Variants in NMRAL1 observed in about 807,000 individuals in gnomAD.
The protein encoded by NMRAL1 is NmrA like redox sensor 1.
In NMRAL1, 32 loss-of-function variants were observed where a neutral mutation model predicts 27.5. The ratio of observed to expected loss-of-function variants is 1.16; its 90% CI spans 0.88 to 1.56. NMRAL1 has a LOEUF of 1.56. NMRAL1 is among the 40% of genes most tolerant of loss of function. NMRAL1 has a pLI of 0.00. For synonymous variants in NMRAL1, 166 were observed against 166.8 expected (o/e 1.00, Z 0.04); for missense variants, 420 against 392.0 (o/e 1.07, Z -0.60).
At chr16:4,472,599 C>G (rs1449180748) in intron 2 of NMRAL1, among the ~76,000 whole-genome samples, 2 of 152,020 alleles carry the variant, frequency 1.3e-5, no homozygotes, top group Non-Finnish European at 1.5e-5. Flanking sequence ...CAAAAATTAG[C>G]CAGGCATGGT....
At chr16:4,468,725 TAAC>T (rs1257200011) in intron 3 of NMRAL1, among the ~76,000 whole-genome samples, 2 of 151,686 alleles carry the variant, frequency 1.3e-5, no homozygotes, top group African/African-American at 4.8e-5. Context: ...TCAAGGCTAA[TAAC>T]AAGTTTGGAT....
intron 1 of NMRAL1, 180 bp downstream of exon 1, chr16:4,474,374 C>G: frequency 2.0e-6 from 1 of 493,890 alleles, no homozygotes; most frequent in Non-Finnish European, 3.6e-6. Context: ...CCGCCTCCCC[C>G]GGTTCCAGTC....
intron 2 of NMRAL1, among the ~76,000 whole-genome samples, chr16:4,473,301 T>A (rs1229143300): frequency 6.6e-6 from 1 of 152,150 alleles, no homozygotes; most frequent in Non-Finnish European, 1.5e-5. Context: ...GGAAATTTTC[T>A]AAAATTGATT....
At position 4,469,279 on chromosome 16, in the gene NMRAL1, A is replaced by G. The variant is rs1410758689; in HGVS notation, c.227T>C (p.Phe76Ser). The G allele has an allele frequency of 6.2e-7, 1 of 1,614,138 alleles. No individual in the cohort carries two copies. Among genetic ancestry groups the G allele is most frequent in the Admixed American group, 1.7e-5 (1 of 60,016 alleles). Residue 76 changes from phenylalanine to serine, a missense_variant, in exon 3 of 6, where the codon TTC becomes TCC. Transcript: ENST00000283429. Reference protein sequence around the residue: ...ELALNGAYATFIVTNYWESCS... With the variant: ...ELALNGAYATSIVTNYWESCS... ...GCTCTCCCAGTAATTGGTCACGATGAAGGTGGCGTAAGCCCCATTCAGGGC... is the reference window on the plus strand; with the variant it reads ...GCTCTCCCAGTAATTGGTCACGATGGAGGTGGCGTAAGCCCCATTCAGGGC...
chr16:4,474,246 A>G (rs1206950265), intron 1 of NMRAL1, 80 bp from the exon 2 acceptor site: 4 of 1,037,694 alleles, frequency 3.9e-6, no homozygotes, highest in Non-Finnish European at 5.8e-6. Flanking sequence ...CCCATTGTCT[A>G]TGCATCGAGT....
intron 2 of NMRAL1, among the ~76,000 whole-genome samples, chr16:4,470,040 T>C (rs1271657690): frequency 1.3e-5 from 2 of 150,076 alleles, no homozygotes; most frequent in African/African-American, 4.9e-5. Flanking sequence ...CACCCGCCTG[T>C]AGTCACAGCT....
chr16:4,475,538 C>G (rs1301798757), upstream of NMRAL1, among the ~76,000 whole-genome samples: 1 of 151,224 alleles, frequency 6.6e-6, no homozygotes, highest in Non-Finnish European at 1.5e-5. Flanking sequence ...TCTCGAACTG[C>G]TGACCTCAAG....
At chr16:4,467,708 C>T (rs1160470734) in intron 3 of NMRAL1, among the ~76,000 whole-genome samples, 6 of 149,964 alleles carry the variant, frequency 4.0e-5, no homozygotes, top group African/African-American at 1.2e-4. Context: ...CAACCTCCGC[C>T]TCTTGGGTTC....
intron 5 of NMRAL1, among the ~76,000 whole-genome samples, chr16:4,463,035 AG>A (rs1310610970): frequency 6.6e-6 from 1 of 151,522 alleles, no homozygotes; most frequent in Admixed American, 6.6e-5. Context: ...GTTTATTTTT[AG>A]TAGAGATGGG....
upstream of NMRAL1, among the ~76,000 whole-genome samples, chr16:4,475,476 A>T (rs78386763): frequency 0.12 from 17,503 of 149,954 alleles, 2,110 homozygotes; most frequent in African/African-American, 0.3. Context: ...CCCGGCTAAA[A>T]TTTTTTTGTA....
At chr16:4,474,024 C>A in intron 2 of NMRAL1, 69 bp downstream of exon 2, 2 of 1,294,182 alleles carry the variant, frequency 1.5e-6, no homozygotes, top group Non-Finnish European at 2.2e-6. Context: ...CCTGCAGACC[C>A]CAGGACGGGC....
intron 2 of NMRAL1, among the ~76,000 whole-genome samples, chr16:4,472,368 G>C (rs1037973645): frequency 6.6e-6 from 1 of 151,744 alleles, no homozygotes; most frequent in Admixed American, 6.6e-5. Context: ...CTTGAACCCG[G>C]GAGGCAGAGG....
chr16:4,466,179 G>C lies in NMRAL1; in HGVS notation c.503C>G (p.Ala168Gly), dbSNP rs145544406. ...CAGCAAGTAGCTCTTTCCGTCTGGG[G>C]CTTTCTGGGGCAAGAAGTGGGAGAG... ...NLLSHFLPQK[A>G]PDGKSYLLSL... The change falls in exon 4 of 6, where the codon GCC (alanine) becomes GGC (glycine). Residue 168 changes from alanine to glycine, a missense_variant. Transcript: ENST00000283429. 1.3e-4 allele frequency: 206 copies of C among 1,614,214 alleles called. No homozygotes were observed. The African/African-American group carries it at 2.6e-3, about 20-fold the overall frequency.
At chr16:4,464,136 G>A in intron 4 of NMRAL1, 1 of 499,764 alleles carries the variant, frequency 2.0e-6, no homozygotes, top group Non-Finnish European at 3.5e-6. Context: ...ACCTGGGCCT[G>A]CCCAGCTCTC....
chr16:4,466,451 G>C, intron 3 of NMRAL1, 49 bp from the exon 4 acceptor site: 1 of 1,583,416 alleles, frequency 6.3e-7, no homozygotes. Context: ...AAGGATGTCT[G>C]TCCCTGGTCA....
chr16:4,466,238 G>A lies in NMRAL1; in HGVS notation c.444C>T (p.Thr148=). 6.2e-7 allele frequency: 1 copy of A among 1,614,162 alleles called. No homozygotes were observed. Among genetic ancestry groups the A allele is most frequent in the Non-Finnish European group, 8.5e-7 (1 of 1,180,048 alleles). ...CAAAATAGCAGGGCAGCCGCACACT[G>A]GTCATGGGAACGCCAATGTCCCGGA... ...EYFRDIGVPM[T]SVRLPCYFEN... is the part of the protein sequence containing the mutation. Residue 148 remains threonine (T), a synonymous_variant, in exon 4 of 6, where the codon ACC becomes ACT. Transcript: ENST00000283429.
At chr16:4,462,682 G>A (rs1158306740) in intron 5 of NMRAL1, among the ~76,000 whole-genome samples, 1 of 151,758 alleles carries the variant, frequency 6.6e-6, no homozygotes, top group Non-Finnish European at 1.5e-5. Flanking sequence ...GGCCCACCAC[G>A]CCGGGCTAAT....
intron 3 of NMRAL1, among the ~76,000 whole-genome samples, chr16:4,468,444 C>T (rs1016760949): frequency 4.6e-5 from 7 of 152,082 alleles, no homozygotes; most frequent in Admixed American, 6.6e-5. Context: ...GGTGAAACCC[C>T]GCCTCTACTA....
At chr16:4,468,142 A>G (rs927435903) in intron 3 of NMRAL1, among the ~76,000 whole-genome samples, 2 of 151,780 alleles carry the variant, frequency 1.3e-5, no homozygotes, top group South Asian at 4.2e-4. Context: ...TGTACTAAAA[A>G]TACAAAAAAA....
Sources: gnomAD v4.1 joint callset for allele counts (sites outside exome capture counted in the v4.1 genomes callset) on GRCh38, gnomAD v4.1.1 for gene constraint, MANE v1.5 for transcripts, NCBI Gene and HGNC (gene_info 2026-07-23, HGNC 2026-07-21) for gene names.